Variants in NSD3 observed in about 807,000 individuals in gnomAD.
NSD3 encodes the protein histone-lysine N-methyltransferase NSD3.
A neutral mutation model predicts 160.8 loss-of-function variants in NSD3; 24 were observed. The ratio of observed to expected loss-of-function variants is 0.15; its 90% CI spans 0.11 to 0.21. NSD3 has a LOEUF of 0.21. Ranked by LOEUF, NSD3 falls within the 10% of genes least tolerant of loss-of-function variation. The pLI is 1.00. For synonymous variants in NSD3, 520 were observed against 600.0 expected, an observed-to-expected ratio of 0.87 and a Z score of 1.95; for missense variants, 1,157 against 1,735.9, an observed-to-expected ratio of 0.67 and a Z score of 5.93.
At position 38,275,482 on chromosome 8, in the gene NSD3, C is replaced by T; in HGVS notation, c.*159G>A. 1.5e-6 allele frequency: 1 copy of T among 664,524 alleles called. No individual in the cohort carries two copies. Among genetic ancestry groups the T allele is most frequent in the Non-Finnish European group, 2.5e-6 (1 of 399,138 alleles). The allele number at this position is 664,524 out of a possible 1,614,324, so 41.2% of individuals were successfully genotyped here. On this transcript the variant is annotated 3_prime_UTR_variant, in exon 24 of 24. Coordinates refer to ENST00000317025, the MANE Select transcript of NSD3 (RefSeq NM_023034.2). Reference sequence around the variant, plus strand: ...AACCAAATCAAACAAAAACCAGACACCACCAACTGCTTCTGCCTGCATGAA... The same window carrying T: ...AACCAAATCAAACAAAAACCAGACATCACCAACTGCTTCTGCCTGCATGAA...
At chr8:38,323,546 A>T (rs1266563582) in intron 7 of NSD3, among the ~76,000 whole-genome samples, 3 of 152,188 alleles carry the variant, frequency 2.0e-5, no homozygotes, top group Non-Finnish European at 4.4e-5. Flanking sequence ...GGCTGGGCAC[A>T]GCGACTCATG....
At chr8:38,336,998 C>A (rs1032687082) in intron 4 of NSD3, among the ~76,000 whole-genome samples, 1 of 151,942 alleles carries the variant, frequency 6.6e-6, no homozygotes, top group Non-Finnish European at 1.5e-5. Flanking sequence ...AAAAACTAAC[C>A]AGGAATTGTG....
At chr8:38,299,186 T>C (rs1809225632) in intron 15 of NSD3, among the ~76,000 whole-genome samples, 1 of 152,228 alleles carries the variant, frequency 6.6e-6, no homozygotes. Flanking sequence ...CTAGTCTTCC[T>C]ATTTTAATAA....
chr8:38,283,820 CAG>C (rs1357643704), intron 19 of NSD3, among the ~76,000 whole-genome samples: 1 of 152,082 alleles, frequency 6.6e-6, no homozygotes, highest in African/African-American at 2.4e-5. Flanking sequence ...GTTAGAAAAA[CAG>C]GCCAGGTGTG....
intron 2 of NSD3, among the ~76,000 whole-genome samples, chr8:38,343,252 T>C (rs950379895): frequency 2.0e-5 from 3 of 151,958 alleles, no homozygotes; most frequent in African/African-American, 7.3e-5. Flanking sequence ...CTTAATAATA[T>C]TACTTATATA....
chr8:38,298,183 AAAGT>A (rs1272411768), intron 15 of NSD3, among the ~76,000 whole-genome samples: 7 of 152,368 alleles, frequency 4.6e-5, no homozygotes, highest in Non-Finnish European at 1.0e-4. Context: ...TACTGAAAAC[AAAGT>A]AAGCAACAAT....
intron 19 of NSD3, among the ~76,000 whole-genome samples, chr8:38,287,527 A>G (rs1174424949): frequency 6.6e-6 from 1 of 151,432 alleles, no homozygotes; most frequent in Non-Finnish European, 1.5e-5. Context: ...ATCTCTGATG[A>G]GGAGATGAAG....
chr8:38,380,540 T>C (rs190843932), intron 1 of NSD3: 20 of 152,370 alleles, frequency 1.3e-4, no homozygotes, highest in Non-Finnish European at 2.4e-4. Flanking sequence ...TAATGATTCC[T>C]TCAGCTAGTA....
chr8:38,320,175 C>A (rs1348340592), intron 8 of NSD3: 1 of 151,794 alleles, frequency 6.6e-6, no homozygotes, highest in East Asian at 1.9e-4. Context: ...TTGGTGATAC[C>A]ACAGAGCACC....
In NSD3 at chr8:38,316,169, G is replaced by GTT. The variant is rs1257496820; in HGVS notation, c.1856-128_1856-127insAA. ...GTGTGGAAAAAGCATAGCTCTCTTT[G>GTT]TAACACTGAAATAATGAGTCAAAAC... On this transcript the variant is annotated intron_variant, in intron 9 of 23. Transcript: ENST00000317025. This position sits in a 1 kb window ranked among gnomAD's most constrained non-coding sequence, Gnocchi z 4.5. The GTT allele has an allele frequency of 8.3e-6, 11 of 1,332,064 alleles. No individual in the cohort carries two copies. Among genetic ancestry groups the GTT allele is most frequent in the Admixed American group, 5.1e-5 (2 of 39,034 alleles). The allele number at this position is 1,332,064 out of a possible 1,614,324, so 82.5% of individuals were successfully genotyped here.
chr8:38,369,934 A>G (rs995058178), intron 1 of NSD3, among the ~76,000 whole-genome samples: 12 of 152,012 alleles, frequency 7.9e-5, no homozygotes, highest in Non-Finnish European at 4.4e-5. Context: ...AGCTGGGACT[A>G]CACGCGTGCA....
chr8:38,378,906 A>G (rs1811469757), intron 1 of NSD3, among the ~76,000 whole-genome samples: 1 of 152,158 alleles, frequency 6.6e-6, no homozygotes, highest in Non-Finnish European at 1.5e-5. Context: ...GACACTCAGC[A>G]TAGCACAGTG....
At chr8:38,364,277 A>AAACAACAACAAC (rs10672618) in intron 1 of NSD3, among the ~76,000 whole-genome samples, 3,180 of 149,386 alleles carry the variant, frequency 0.021, 40 homozygotes, top group Middle Eastern at 0.045. Flanking sequence ...ACTCCGTCTC[A>AAACAACAACAAC]AACAACAACA....
chr8:38,335,738 T>C (rs983474986), intron 4 of NSD3, among the ~76,000 whole-genome samples: 1 of 152,208 alleles, frequency 6.6e-6, no homozygotes, highest in Admixed American at 6.5e-5. Context: ...GCTTTCCCTG[T>C]AATATAAGGC....
chr8:38,296,529 CT>C (rs1809149011), intron 15 of NSD3, among the ~76,000 whole-genome samples: 1 of 152,072 alleles, frequency 6.6e-6, no homozygotes, highest in South Asian at 2.1e-4. Context: ...TTATCATTAC[CT>C]TTTGGTGAAG....
chr8:38,329,287 T>C lies in NSD3; in HGVS notation c.1581+91A>G. The C allele has an allele frequency of 6.9e-7, 1 of 1,442,036 alleles. No individual in the cohort carries two copies. The highest frequency in any genetic ancestry group is 1.4e-5 in the African/African-American group (1 of 69,688). 89.3% of individuals were successfully genotyped at this position (1,442,036 alleles called of 1,614,324 possible). ...CAAATTCAGTGGGTAGAAAGGGTAT[T>C]TAAATTATGCCAAGGTCATTGTTTT... On this transcript the variant is annotated intron_variant, in intron 6 of 23. Coordinates refer to ENST00000317025, the MANE Select transcript of NSD3 (RefSeq NM_023034.2). This position sits in a 1 kb window ranked among gnomAD's most constrained non-coding sequence, Gnocchi z 4.8.
intron 12 of NSD3, among the ~76,000 whole-genome samples, chr8:38,307,365 G>C (rs952650851): frequency 1.3e-5 from 2 of 151,924 alleles, no homozygotes; most frequent in East Asian, 1.9e-4. Context: ...TAGGGGGCTG[G>C]CAGGAGTTTA....
rs956598087 is a variant in NSD3 at position 38,317,552 on chromosome 8, G to A, written c.1855+1343C>T. Reference sequence around the variant, plus strand: ...CTGTCATGCTGTTCTCCATGATAACGGCACTAATATTAAAAAAAATAAGAA... The same window carrying A: ...CTGTCATGCTGTTCTCCATGATAACAGCACTAATATTAAAAAAAATAAGAA... On this transcript the variant is annotated intron_variant, in intron 9 of 23. Transcript: ENST00000317025. The surrounding 1 kb of genome is among the most constrained non-coding windows in gnomAD (Gnocchi z 5.3). 69 of 1,065,234 alleles carry A rather than the reference G, an allele frequency of 6.5e-5. No homozygotes were observed. The highest frequency in any genetic ancestry group is 7.4e-5 in the Non-Finnish European group (65 of 879,346). The allele number at this position is 1,065,234 out of a possible 1,614,324, so 66.0% of individuals were successfully genotyped here.
intron 1 of NSD3, among the ~76,000 whole-genome samples, chr8:38,375,638 G>A (rs1044164149): frequency 6.6e-6 from 1 of 151,780 alleles, no homozygotes; most frequent in Admixed American, 6.6e-5. Context: ...ATTTGTCCTT[G>A]TTAATATAAC....
Sources: allele counts gnomAD v4.1 joint callset (sites outside exome capture counted in the v4.1 genomes callset), GRCh38; gene constraint gnomAD v4.1.1; non-coding constraint Gnocchi (gnomAD v3.1); transcripts MANE v1.5; gene names NCBI Gene and HGNC (gene_info 2026-07-23, HGNC 2026-07-21).